IGSF11: variants seen among roughly 807,000 people sequenced by gnomAD.
IGSF11 encodes CXADR like 1.
In IGSF11, 22 loss-of-function variants were observed where a neutral mutation model predicts 41.0. The ratio of observed to expected loss-of-function variants is 0.54; its 90% CI spans 0.38 to 0.77. The LOEUF (loss-of-function observed/expected upper bound fraction) is 0.77, where lower values mean the gene tolerates loss of function less well. Among genes scored for constraint, IGSF11 ranks in the 30% least tolerant of loss-of-function variants. IGSF11 has a pLI of 0.00. For missense variants in IGSF11, 444 were observed against 530.8 expected (o/e 0.84, Z 1.61); for synonymous variants, 219 against 201.3 (o/e 1.09, Z -0.74).
At chr3:119,104,831 T>G (rs922294036) in intron 1 of IGSF11, among the ~76,000 whole-genome samples, 1 of 152,110 alleles carries the variant, frequency 6.6e-6, no homozygotes, top group African/African-American at 2.4e-5. Flanking sequence ...CCATCATAGC[T>G]CTTAACACAG....
intron 3 of IGSF11, among the ~76,000 whole-genome samples, chr3:118,927,620 C>T (rs1057138599): frequency 7.2e-5 from 11 of 151,970 alleles, no homozygotes; most frequent in African/African-American, 2.2e-4. Context: ...TCAACAACAA[C>T]GAAGGAAAAA....
intron 1 of IGSF11, among the ~76,000 whole-genome samples, chr3:118,933,595 A>G (rs1041640821): frequency 2.6e-5 from 4 of 152,200 alleles, no homozygotes; most frequent in African/African-American, 9.6e-5. Flanking sequence ...AATTAAAAAT[A>G]CAGCTCAAGG....
At position 119,114,231 on chromosome 3, in the gene IGSF11, G is replaced by A. The variant is rs544091457; in HGVS notation, c.-13-9026C>T. Among the ~76,000 whole-genome samples the A allele has an allele frequency of 5.3e-5, 8 of 152,336 alleles. No homozygotes were observed. In the East Asian group the frequency reaches 1.5e-3, roughly 29 times the overall value. On this transcript the variant is annotated intron_variant, in intron 1 of 7. Transcript: ENST00000425327. ...TTACTTATGCAAATTTCTGCAGCCA[G>A]CTTGAATTCGTCCCCAGAAAATGGG...
intron 1 of IGSF11, among the ~76,000 whole-genome samples, chr3:118,971,674 G>A (rs546681207): frequency 6.6e-5 from 10 of 151,918 alleles, no homozygotes; most frequent in Non-Finnish European, 1.2e-4. Context: ...CGTGGTGGCA[G>A]GCACCTGTAA....
At chr3:119,018,229 G>A (rs1370721391) in intron 1 of IGSF11, among the ~76,000 whole-genome samples, 1 of 152,138 alleles carries the variant, frequency 6.6e-6, no homozygotes, top group African/African-American at 2.4e-5. Context: ...AGAGGTAAAT[G>A]AGTGAGAAAG....
chr3:119,118,432 G>A (rs10222612), intron 1 of IGSF11, among the ~76,000 whole-genome samples: 46,395 of 152,014 alleles, frequency 0.31, 7,217 homozygotes, highest in Admixed American at 0.36. Context: ...GGTCCCTTTC[G>A]GCCACAGCTG....
At chr3:119,058,117 A>T (rs1941919976) in intron 1 of IGSF11, among the ~76,000 whole-genome samples, 1 of 152,208 alleles carries the variant, frequency 6.6e-6, no homozygotes, top group African/African-American at 2.4e-5. Flanking sequence ...ACCAAAATTG[A>T]CAAATGGGAT....
Position 119,084,347 on chromosome 3 carries a change from A to G in IGSF11, c.49+20797T>C, listed in dbSNP as rs930632202. 4.6e-5 allele frequency among the ~76,000 whole-genome samples: 7 copies of G among 152,122 alleles called. No homozygotes were observed. In the South Asian group the frequency reaches 8.3e-4, roughly 18 times the overall value. ...TCCTGCCTCCAACTGCACTTAGGGA[A>G]AGGGTGAGTGAAGAGGATGGAGGAC... is the stretch of plus-strand genomic sequence containing the variant. On this transcript the variant is annotated intron_variant, in intron 1 of 6. Transcript: ENST00000354673.
chr3:119,034,546 G>A lies in IGSF11; in HGVS notation c.37C>T (p.Leu13Phe), dbSNP rs1424144472. 2 of 1,592,792 alleles carry A rather than the reference G, an allele frequency of 1.3e-6. No individual in the cohort carries two copies. Among genetic ancestry groups the A allele is most frequent in the African/African-American group, 1.4e-5 (1 of 73,568 alleles). ...AGCTACTCACCGTGCAGAGAGAGGA[G>A]CAGCAAAGGCGCCAGAGGGGAACGC... ...SQRSPLAPLL[L>F]LSLHGVAASL... is the part of the protein sequence containing the mutation. The change falls in exon 1 of 7, where the codon CTC (leucine) becomes TTC (phenylalanine). Residue 13 changes from leucine to phenylalanine, a missense_variant. Transcript: ENST00000393775.
At chr3:119,046,772 A>G (rs1030371838) in intron 1 of IGSF11, among the ~76,000 whole-genome samples, 2 of 152,100 alleles carry the variant, frequency 1.3e-5, no homozygotes, top group African/African-American at 4.8e-5. Context: ...CTCAAAGGGA[A>G]GCCCATCAGA....
chr3:118,904,680 C>T lies in IGSF11; in HGVS notation c.822G>A (p.Glu274=). The T allele has an allele frequency of 1.2e-6, 2 of 1,611,492 alleles. No homozygotes were observed. The highest frequency in any genetic ancestry group is 8.5e-7 in the Non-Finnish European group (1 of 1,178,720). The change falls in exon 6 of 7, where the codon GAG becomes GAA. Residue 274 remains glutamate (E), a synonymous_variant. Transcript: ENST00000393775. ...AFFYWRSKNK[E]EEEEEIPNEI... Reference sequence around the variant, plus strand: ...CATTAGGAATTTCTTCTTCTTCCTCCTCTTTATTTTTGCTTCTCCAGTAAA... The same window carrying T: ...CATTAGGAATTTCTTCTTCTTCCTCTTCTTTATTTTTGCTTCTCCAGTAAA...
At chr3:118,960,009 C>T (rs889334559) in intron 1 of IGSF11, among the ~76,000 whole-genome samples, 1 of 146,014 alleles carries the variant, frequency 6.8e-6, no homozygotes, top group African/African-American at 2.5e-5. Context: ...CGCGCCACTG[C>T]ACTACAGCCT....
At chr3:119,097,289 T>A (rs2076868241) in intron 1 of IGSF11, among the ~76,000 whole-genome samples, 1 of 152,204 alleles carries the variant, frequency 6.6e-6, no homozygotes, top group Non-Finnish European at 1.5e-5. Context: ...CTACTTCTGA[T>A]GTTTCCTTCC....
At chr3:119,000,482 C>G (rs1936706059) in intron 1 of IGSF11, among the ~76,000 whole-genome samples, 1 of 151,408 alleles carries the variant, frequency 6.6e-6, no homozygotes, top group South Asian at 2.1e-4. Flanking sequence ...CAACTCTGTC[C>G]TTCCAGTTGC....
At chr3:119,145,954 G>A in exon 1 of IGSF11, 1 of 477,708 alleles carries the variant, frequency 2.1e-6, no homozygotes. Flanking sequence ...CAGAGCCTGA[G>A]AATCGCCCCT....
At position 119,079,717 on chromosome 3, in the gene IGSF11, G is replaced by A. The variant is rs138054996; in HGVS notation, c.49+25427C>T. 4.7e-3 allele frequency among the ~76,000 whole-genome samples: 716 copies of A among 152,314 alleles called. 14 individuals are homozygous for A. Among genetic ancestry groups the A allele is most frequent in the African/African-American group, 0.016 (680 of 41,578 alleles). On this transcript the variant is annotated intron_variant, in intron 1 of 6. Coordinates refer to the IGSF11 transcript ENST00000354673. ...CTATGCAGCCATAAAAAAGAATGAA[G>A]TCATGTCCTTTGCAGCAATATGGAT...
intron 1 of IGSF11, chr3:119,105,027 T>C: frequency 3.4e-6 from 2 of 591,304 alleles, no homozygotes; most frequent in Non-Finnish European, 6.0e-6. Flanking sequence ...AGATTTTTTT[T>C]AGTAGTAGGA....
At chr3:119,093,225 C>T (rs201334027) in intron 1 of IGSF11, among the ~76,000 whole-genome samples, 2 of 152,150 alleles carry the variant, frequency 1.3e-5, no homozygotes, top group East Asian at 3.9e-4. Context: ...GAGCTACGTC[C>T]GCCTTCAACA....
At chr3:118,920,211 G>A (rs1021911616) in intron 4 of IGSF11, among the ~76,000 whole-genome samples, 3 of 150,110 alleles carry the variant, frequency 2.0e-5, no homozygotes, top group Non-Finnish European at 4.4e-5. Context: ...GTATACATAT[G>A]TAACTAACCT....
Sources: allele counts gnomAD v4.1 joint callset (sites outside exome capture counted in the v4.1 genomes callset), GRCh38; gene constraint gnomAD v4.1.1; transcripts MANE v1.5; gene names NCBI Gene and HGNC (gene_info 2026-07-23, HGNC 2026-07-21).